The following CADM1 variants were observed in gnomAD, a reference collection of about 807,000 sequenced individuals.
CADM1 encodes cell adhesion molecule 1, also known as TSLC-1.
CADM1 carries 15 observed loss-of-function variants against 53.1 expected under a neutral mutation model. The ratio of observed to expected loss-of-function variants is 0.28; its 90% confidence interval spans 0.19 to 0.44. CADM1 has a LOEUF of 0.44. Among genes scored for constraint, CADM1 ranks in the 20% least tolerant of loss-of-function variants. The pLI, the probability that CADM1 is intolerant of heterozygous loss-of-function variation, is 1.00. For synonymous variants in CADM1, 281 were observed against 243.0 expected, an observed-to-expected ratio of 1.16 and a Z score of -1.45; for missense variants, 434 against 611.3, an observed-to-expected ratio of 0.71 and a Z score of 3.06.
intron 1 of CADM1, among the ~76,000 whole-genome samples, chr11:115,261,660 T>G (rs959955112): frequency 2.0e-5 from 3 of 152,226 alleles, no homozygotes; most frequent in African/African-American, 7.2e-5. Flanking sequence ...ATATTTACAT[T>G]GTTTCTAAGT....
intron 1 of CADM1, among the ~76,000 whole-genome samples, chr11:115,326,517 T>TTC (rs1944963607): frequency 6.6e-6 from 1 of 152,196 alleles, no homozygotes; most frequent in Non-Finnish European, 1.5e-5. Context: ...ACTAAATATC[T>TTC]TCTCAAACCT....
rs1938802881 is a variant in CADM1 at position 115,171,907 on chromosome 11, C to T, written c.*4567G>A. The T allele has an allele frequency of 6.6e-6, 1 of 152,202 alleles. No homozygotes were observed. The highest frequency in any genetic ancestry group is 1.5e-5 in the Non-Finnish European group (1 of 68,048). 9.4% of individuals were successfully genotyped at this position (152,202 alleles called of 1,614,324 possible). On this transcript the variant is annotated 3_prime_UTR_variant, in exon 12 of 12. Coordinates refer to ENST00000331581, the MANE Select transcript of CADM1 (RefSeq NM_001301043.2). Reference sequence around the variant, plus strand: ...ATATGCAGAGGAGCCCTCAGAGCTCCCTCTGAGTAGTGACCGCTTCTTCGT... The same window carrying T: ...ATATGCAGAGGAGCCCTCAGAGCTCTCTCTGAGTAGTGACCGCTTCTTCGT...
intron 1 of CADM1, among the ~76,000 whole-genome samples, chr11:115,287,219 T>C (rs1297201205): frequency 6.6e-6 from 1 of 152,246 alleles, no homozygotes; most frequent in Non-Finnish European, 1.5e-5. Flanking sequence ...GTTTATACAC[T>C]GATATTCTAC....
intron 1 of CADM1, among the ~76,000 whole-genome samples, chr11:115,501,942 G>C (rs962019429): frequency 2.0e-5 from 3 of 152,090 alleles, no homozygotes; most frequent in Non-Finnish European, 2.9e-5. Context: ...AATTAAGAAA[G>C]TCATCTCATC....
chr11:115,446,528 C>T (rs1372776574), intron 1 of CADM1, among the ~76,000 whole-genome samples: 2 of 152,094 alleles, frequency 1.3e-5, no homozygotes, highest in East Asian at 3.9e-4. Flanking sequence ...TTTATAAAGG[C>T]CATTCCCCTT....
At chr11:115,220,661 G>A (rs1234178819) in intron 5 of CADM1, among the ~76,000 whole-genome samples, 1 of 152,154 alleles carries the variant, frequency 6.6e-6, no homozygotes, top group African/African-American at 2.4e-5. Context: ...GGGCAGATGA[G>A]CTATCCTCTC....
intron 1 of CADM1, among the ~76,000 whole-genome samples, chr11:115,464,933 A>T (rs914621116): frequency 1.6e-4 from 25 of 152,194 alleles, no homozygotes; most frequent in Non-Finnish European, 1.3e-4. Flanking sequence ...GTTTTCAAGA[A>T]ATTTCCAGGA....
At chr11:115,309,272 G>A (rs143171155) in intron 1 of CADM1, among the ~76,000 whole-genome samples, 13 of 152,030 alleles carry the variant, frequency 8.6e-5, no homozygotes, top group African/African-American at 2.9e-4. Context: ...AGTTGTCAAC[G>A]CTCCAAAAAA....
chr11:115,392,051 T>C (rs1257461203), intron 1 of CADM1, among the ~76,000 whole-genome samples: 1 of 152,154 alleles, frequency 6.6e-6, no homozygotes, highest in Non-Finnish European at 1.5e-5. Flanking sequence ...TCGTTTCTGT[T>C]CACATGTCAT....
At chr11:115,375,594 A>G (rs192831769) in intron 1 of CADM1, among the ~76,000 whole-genome samples, 22 of 152,346 alleles carry the variant, frequency 1.4e-4, no homozygotes, top group African/African-American at 5.1e-4. Context: ...TTTGTGATGT[A>G]TAATACTTAC....
chr11:115,423,247 G>A (rs1174893739), intron 1 of CADM1, among the ~76,000 whole-genome samples: 4 of 152,268 alleles, frequency 2.6e-5, no homozygotes, highest in Non-Finnish European at 5.9e-5. Context: ...CATACATGAT[G>A]TGACCGTATT....
chr11:115,219,841 T>TA (rs1350187301), intron 5 of CADM1, among the ~76,000 whole-genome samples: 1 of 152,018 alleles, frequency 6.6e-6, no homozygotes, highest in East Asian at 1.9e-4. Flanking sequence ...GTTTAGTTTT[T>TA]AAAAAAGATA....
chr11:115,465,568 T>C (rs1948882243), intron 1 of CADM1, among the ~76,000 whole-genome samples: 1 of 152,154 alleles, frequency 6.6e-6, no homozygotes, highest in South Asian at 2.1e-4. Context: ...CATATAGATA[T>C]AAAGATAGTC....
At chr11:115,485,645 C>A (rs1295780374) in intron 1 of CADM1, among the ~76,000 whole-genome samples, 1 of 152,184 alleles carries the variant, frequency 6.6e-6, no homozygotes. Flanking sequence ...TGTCTCTTCT[C>A]TGCTGCAATG....
chr11:115,464,353 T>C (rs1948854306), intron 1 of CADM1, among the ~76,000 whole-genome samples: 2 of 152,350 alleles, frequency 1.3e-5, no homozygotes, highest in South Asian at 2.1e-4. Context: ...TGAATCTTTA[T>C]GGAGAACATT....
intron 1 of CADM1, among the ~76,000 whole-genome samples, chr11:115,436,482 G>C (rs1350445363): frequency 6.6e-6 from 1 of 152,106 alleles, no homozygotes; most frequent in Non-Finnish European, 1.5e-5. Context: ...CTGACTCTCT[G>C]CTCTATGTTC....
At chr11:115,296,152 C>T (rs11215471) in intron 1 of CADM1, among the ~76,000 whole-genome samples, 17,040 of 152,132 alleles carry the variant, frequency 0.11, 1,072 homozygotes, top group South Asian at 0.27. Context: ...GGTCTTACTA[C>T]GTTGCCCAGG....
rs1374551645 is a variant in CADM1, at chr11:115,240,516, A to G, written c.125-96T>C. On this transcript the variant is annotated intron_variant, in intron 1 of 11. Transcript: ENST00000331581. ...AAGTGGGAACTAGGCATATTAGAAA[A>G]TGAACACAAGTAGCAACATTTAGCA... The G allele has an allele frequency of 9.2e-6, 12 of 1,300,982 alleles. No homozygotes were observed. The Admixed American group carries it at 2.0e-4, about 22-fold the overall frequency. 80.6% of individuals were successfully genotyped at this position (1,300,982 alleles called of 1,614,324 possible).
chr11:115,310,741 G>A (rs1296882114), intron 1 of CADM1, among the ~76,000 whole-genome samples: 1 of 152,100 alleles, frequency 6.6e-6, no homozygotes, highest in Admixed American at 6.6e-5. Flanking sequence ...GATAAGTGAG[G>A]TGGCACTGCA....
Sources: gnomAD v4.1 joint callset for allele counts (sites outside exome capture counted in the v4.1 genomes callset) on GRCh38, gnomAD v4.1.1 for gene constraint, MANE v1.5 for transcripts, NCBI Gene and HGNC (gene_info 2026-07-23, HGNC 2026-07-21) for gene names.